The following GRID2 variants were observed in gnomAD, a reference collection of about 807,000 sequenced individuals.
GRID2 encodes the protein glutamate ionotropic receptor delta type subunit 2.
A neutral mutation model predicts 114.8 loss-of-function variants in GRID2; 33 were observed. The ratio of observed to expected loss-of-function variants is 0.29; its 90% CI spans 0.22 to 0.38. The LOEUF is 0.38. Ranked by LOEUF, GRID2 falls within the 10% of genes least tolerant of loss-of-function variation. GRID2 has a pLI of 1.00. For synonymous variants in GRID2, 505 were observed against 449.9 expected, an observed-to-expected ratio of 1.12 and a Z score of -1.55; for missense variants, 1,184 against 1,257.7, an observed-to-expected ratio of 0.94 and a Z score of 0.89.
At chr4:92,566,565 T>G (rs1258952162) in intron 1 of GRID2, among the ~76,000 whole-genome samples, 2 of 151,904 alleles carry the variant, frequency 1.3e-5, no homozygotes, top group Admixed American at 6.6e-5. Context: ...GTTGAGAAAT[T>G]TTCTTGTCTC....
intron 13 of GRID2, among the ~76,000 whole-genome samples, chr4:93,531,075 A>G (rs1261606564): frequency 1.3e-5 from 2 of 152,158 alleles, no homozygotes; most frequent in East Asian, 3.9e-4. Flanking sequence ...TTAGGGAAGG[A>G]TGCCATGTAG....
intron 14 of GRID2, among the ~76,000 whole-genome samples, chr4:93,674,405 A>C (rs944431493): frequency 6.6e-6 from 1 of 152,158 alleles, no homozygotes. Flanking sequence ...CTCTGGAATT[A>C]ATCTATTATT....
Position 93,477,174 on chromosome 4 carries a change from G to A in GRID2, c.1859-13465G>A, listed in dbSNP as rs556470851. Among the ~76,000 whole-genome samples the A allele has an allele frequency of 3.9e-5, 6 of 152,214 alleles. No individual in the cohort carries two copies. The East Asian group carries it at 1.2e-3, about 29-fold the overall frequency. On this transcript the variant is annotated intron_variant, in intron 11 of 15. Coordinates refer to ENST00000282020, the MANE Select transcript of GRID2 (RefSeq NM_001510.4). ...CCAGAGAACTTTCCAGAAGTAGCCA[G>A]AGAACAATAGAAAGCTGAACTCACT...
intron 14 of GRID2, among the ~76,000 whole-genome samples, chr4:93,720,398 A>C (rs759045922): frequency 6.6e-6 from 1 of 152,222 alleles, no homozygotes; most frequent in Non-Finnish European, 1.5e-5. Context: ...AAGCATGTAG[A>C]GTTTGCTCAT....
chr4:92,504,570 C>A (rs1453637800), intron 1 of GRID2, among the ~76,000 whole-genome samples: 1 of 151,924 alleles, frequency 6.6e-6, no homozygotes, highest in Non-Finnish European at 1.5e-5. Context: ...AAATCTTTTT[C>A]TTTCATATGT....
chr4:92,357,749 C>CT (rs1313282141), intron 1 of GRID2, among the ~76,000 whole-genome samples: 2 of 151,566 alleles, frequency 1.3e-5, no homozygotes, highest in Non-Finnish European at 2.9e-5. Flanking sequence ...CTTGTTAGTT[C>CT]TTTGAGTCAC....
At chr4:92,654,084 G>A (rs1732109422) in intron 2 of GRID2, among the ~76,000 whole-genome samples, 1 of 152,068 alleles carries the variant, frequency 6.6e-6, no homozygotes, top group Non-Finnish European at 1.5e-5. Context: ...AATGCTGTAT[G>A]TTTTAGTGAT....
At chr4:93,314,884 A>G (rs147296542) in intron 8 of GRID2, among the ~76,000 whole-genome samples, 29 of 152,202 alleles carry the variant, frequency 1.9e-4, no homozygotes, top group African/African-American at 6.7e-4. Context: ...TTAATATAAT[A>G]TCTACTCCCT....
intron 2 of GRID2, among the ~76,000 whole-genome samples, chr4:92,737,328 A>C (rs542403830): frequency 8.5e-5 from 13 of 152,200 alleles, no homozygotes; most frequent in South Asian, 6.2e-4. Flanking sequence ...TCATAGAAGA[A>C]AGGAATCTTA....
At chr4:93,201,703 C>T (rs1446663866) in intron 4 of GRID2, among the ~76,000 whole-genome samples, 5 of 152,162 alleles carry the variant, frequency 3.3e-5, no homozygotes, top group Non-Finnish European at 7.4e-5. Flanking sequence ...AGGAACTGTT[C>T]CACATTTATT....
At chr4:92,951,588 C>G (rs1752044319) in intron 2 of GRID2, among the ~76,000 whole-genome samples, 1 of 151,968 alleles carries the variant, frequency 6.6e-6, no homozygotes, top group African/African-American at 2.4e-5. Context: ...CTTAGCCTCC[C>G]AAAGTGTGTG....
In GRID2 at chr4:93,385,386, A is replaced by G. The variant is rs572824378; in HGVS notation, c.1246-10221A>G. ...ATCACCAAGCTAGACATTTTATGAG[A>G]CTAACTGATTTATTCCTCATCTTGA... On this transcript the variant is annotated intron_variant, in intron 8 of 15. Transcript: ENST00000282020. Among the ~76,000 whole-genome samples the G allele has an allele frequency of 3.9e-5, 6 of 152,348 alleles. No homozygotes were observed. In the South Asian group the frequency reaches 8.3e-4, roughly 21 times the overall value.
intron 12 of GRID2, among the ~76,000 whole-genome samples, chr4:93,507,917 T>C (rs1728781661): frequency 6.6e-6 from 1 of 152,044 alleles, no homozygotes; most frequent in African/African-American, 2.4e-5. Flanking sequence ...GCTGATTGTG[T>C]TACAGAGGAA....
At chr4:93,276,275 A>G (rs189685910) in intron 8 of GRID2, among the ~76,000 whole-genome samples, 1 of 152,044 alleles carries the variant, frequency 6.6e-6, no homozygotes, top group East Asian at 1.9e-4. Flanking sequence ...ATGAGTTCTT[A>G]TTTCTGAACT....
At chr4:92,334,526 C>T (rs142552537) in intron 1 of GRID2, among the ~76,000 whole-genome samples, 26 of 151,712 alleles carry the variant, frequency 1.7e-4, no homozygotes, top group African/African-American at 5.1e-4. Context: ...CATCATCCCA[C>T]GGCAGAAGGC....
At chr4:92,858,522 C>G (rs1744317821) in intron 2 of GRID2, among the ~76,000 whole-genome samples, 1 of 152,072 alleles carries the variant, frequency 6.6e-6, no homozygotes, top group Non-Finnish European at 1.5e-5. Context: ...TTGCTGCAAT[C>G]TTATGATAAA....
In GRID2 at chr4:92,563,545, C is replaced by T. The variant is rs79112579; in HGVS notation, c.89-26586C>T. On this transcript the variant is annotated intron_variant, in intron 1 of 15. Transcript: ENST00000282020. ...ATTATGTATAGTTCTAATTTTACCA[C>T]ACTCCTCCTGAATACAATTCTTCCA... Among the ~76,000 whole-genome samples, 740 of 152,194 alleles carry T rather than the reference C, an allele frequency of 4.9e-3. 6 individuals are homozygous for T. The highest frequency in any genetic ancestry group is 0.017 in the African/African-American group (693 of 41,544).
chr4:93,075,568 G>A (rs924947990), intron 2 of GRID2, among the ~76,000 whole-genome samples: 10 of 152,130 alleles, frequency 6.6e-5, no homozygotes, highest in African/African-American at 2.4e-4. Context: ...TCTCTCTGTA[G>A]AAAATCCTAC....
chr4:93,676,124 G>T (rs1168116756), intron 14 of GRID2, among the ~76,000 whole-genome samples: 2 of 152,218 alleles, frequency 1.3e-5, no homozygotes, highest in Non-Finnish European at 2.9e-5. Flanking sequence ...TGCCACTAAT[G>T]CTAGAACAGT....
Sources: gnomAD v4.1 joint callset for allele counts (sites outside exome capture counted in the v4.1 genomes callset) on GRCh38, gnomAD v4.1.1 for gene constraint, MANE v1.5 for transcripts, NCBI Gene and HGNC (gene_info 2026-07-23, HGNC 2026-07-21) for gene names.